Variants in SSH2 observed in about 807,000 individuals in gnomAD.
The protein encoded by SSH2 is protein phosphatase Slingshot homolog 2.
In SSH2, 37 loss-of-function variants were observed where a neutral mutation model predicts 135.2. The observed-to-expected ratio is 0.27, with a 90% CI of 0.21 to 0.36. SSH2 has a LOEUF of 0.36. Ranked by LOEUF, SSH2 falls within the 10% of genes least tolerant of loss-of-function variation. The pLI, the probability that SSH2 is intolerant of heterozygous loss-of-function variation, is 1.00. For synonymous variants in SSH2, 628 were observed against 646.2 expected, an observed-to-expected ratio of 0.97 and a Z score of 0.43; for missense variants, 1,408 against 1,765.3, an observed-to-expected ratio of 0.80 and a Z score of 3.63.
At chr17:29,690,923 C>T (rs2038442927) in intron 5 of SSH2, among the ~76,000 whole-genome samples, 1 of 151,548 alleles carries the variant, frequency 6.6e-6, no homozygotes, top group African/African-American at 2.4e-5. Context: ...TCTTTACACA[C>T]ACACACACAC....
chr17:29,807,738 T>G (rs780259858), intron 2 of SSH2, among the ~76,000 whole-genome samples: 1 of 151,780 alleles, frequency 6.6e-6, no homozygotes, highest in Non-Finnish European at 1.5e-5. Flanking sequence ...AAAGATAAGC[T>G]GCAGGAGACA....
chr17:29,660,599 C>T (rs1461186614), intron 11 of SSH2, among the ~76,000 whole-genome samples: 1 of 152,066 alleles, frequency 6.6e-6, no homozygotes, highest in Non-Finnish European at 1.5e-5. Context: ...ATGAAAACCC[C>T]TTCCCACCCC....
chr17:29,807,974 C>T (rs1206209530), intron 2 of SSH2, among the ~76,000 whole-genome samples: 1 of 151,780 alleles, frequency 6.6e-6, no homozygotes, highest in African/African-American at 2.4e-5. Context: ...GAAGCTTACA[C>T]TGTGGTTGAA....
chr17:29,661,248 G>C (rs2037028027), intron 11 of SSH2, among the ~76,000 whole-genome samples: 1 of 151,996 alleles, frequency 6.6e-6, no homozygotes, highest in Non-Finnish European at 1.5e-5. Context: ...GTATCTATCT[G>C]ATATGGCTCA....
At chr17:29,777,086 T>C (rs974966918) in intron 3 of SSH2, among the ~76,000 whole-genome samples, 1 of 151,940 alleles carries the variant, frequency 6.6e-6, no homozygotes, top group South Asian at 2.1e-4. Flanking sequence ...GTGGCGCACA[T>C]GTGTAATCCC....
intron 2 of SSH2, among the ~76,000 whole-genome samples, chr17:29,846,407 T>C (rs1404984330): frequency 6.6e-6 from 1 of 152,196 alleles, no homozygotes; most frequent in African/African-American, 2.4e-5. Flanking sequence ...TGCCCACTGG[T>C]GATGAGCTCA....
At chr17:29,794,524 TACAC>T (rs1421469985) in intron 2 of SSH2, among the ~76,000 whole-genome samples, 2 of 152,310 alleles carry the variant, frequency 1.3e-5, no homozygotes, top group African/African-American at 4.8e-5. Context: ...TTTATTCAAA[TACAC>T]ACAGTAACAT....
chr17:29,821,705 C>T (rs757092610), intron 2 of SSH2, among the ~76,000 whole-genome samples: 30 of 150,298 alleles, frequency 2.0e-4, no homozygotes, highest in African/African-American at 3.7e-4. Context: ...AGTGCAGCGG[C>T]GCGATCTCGG....
chr17:29,660,804 C>T (rs927879469), intron 11 of SSH2, among the ~76,000 whole-genome samples: 1 of 151,824 alleles, frequency 6.6e-6, no homozygotes, highest in Admixed American at 6.6e-5. Flanking sequence ...TGCCTGTAGT[C>T]CTAGCACTTT....
At chr17:29,865,959 A>C (rs962215677) in intron 1 of SSH2, 1 of 152,208 alleles carries the variant, frequency 6.6e-6, no homozygotes, top group African/African-American at 2.4e-5. Context: ...AAAATTAGCC[A>C]GGCATGGTGG....
chr17:29,743,948 T>C (rs1317776061), intron 3 of SSH2, among the ~76,000 whole-genome samples: 3 of 150,544 alleles, frequency 2.0e-5, no homozygotes, highest in African/African-American at 7.4e-5. Flanking sequence ...CAAAACGCTT[T>C]TATTTGGTCC....
At chr17:29,755,354 G>T (rs1395262067) in intron 3 of SSH2, among the ~76,000 whole-genome samples, 1 of 152,084 alleles carries the variant, frequency 6.6e-6, no homozygotes, top group Non-Finnish European at 1.5e-5. Flanking sequence ...TTTCTGGAAT[G>T]ATTTTGATCA....
intron 3 of SSH2, among the ~76,000 whole-genome samples, chr17:29,784,599 A>C (rs1419518857): frequency 7.3e-5 from 2 of 27,412 alleles, no homozygotes; most frequent in East Asian, 8.2e-4. Flanking sequence ...ACTCCTTCTC[A>C]AAAAAAAAAA....
intron 1 of SSH2, among the ~76,000 whole-genome samples, chr17:29,924,024 T>C (rs2151489427): frequency 6.6e-6 from 1 of 152,362 alleles, no homozygotes; most frequent in South Asian, 2.1e-4. Flanking sequence ...AAATTATATA[T>C]ACAGCAGCAC....
At chr17:29,761,610 C>T (rs1488625015) in intron 3 of SSH2, among the ~76,000 whole-genome samples, 1 of 152,088 alleles carries the variant, frequency 6.6e-6, no homozygotes, top group Non-Finnish European at 1.5e-5. Context: ...ACTGCTGCCT[C>T]GGTAAGGGAG....
chr17:29,779,544 A>C (rs999986054), intron 3 of SSH2, among the ~76,000 whole-genome samples: 1 of 152,196 alleles, frequency 6.6e-6, no homozygotes, highest in Non-Finnish European at 1.5e-5. Flanking sequence ...GGCCCACAGC[A>C]AAAGATGAAC....
At chr17:29,802,395 A>G (rs1490971789) in intron 2 of SSH2, among the ~76,000 whole-genome samples, 6 of 152,172 alleles carry the variant, frequency 3.9e-5, no homozygotes. Flanking sequence ...TAGAAGCAAC[A>G]GAGGAAGAAG....
intron 1 of SSH2, among the ~76,000 whole-genome samples, chr17:29,884,293 T>C (rs2066193210): frequency 6.6e-6 from 1 of 152,194 alleles, no homozygotes. Flanking sequence ...ATTGGACCAT[T>C]GATTTCTTCC....
intron 3 of SSH2, among the ~76,000 whole-genome samples, chr17:29,713,444 T>C (rs2039513078): frequency 6.6e-6 from 1 of 152,210 alleles, no homozygotes; most frequent in African/African-American, 2.4e-5. Flanking sequence ...GCTTGTTCTG[T>C]TTCTCTTTTT....
Sources: allele counts gnomAD v4.1 joint callset (sites outside exome capture counted in the v4.1 genomes callset), GRCh38; gene constraint gnomAD v4.1.1; transcripts MANE v1.5; gene names NCBI Gene and HGNC (gene_info 2026-07-23, HGNC 2026-07-21).